The following PTK2B variants were observed in gnomAD, a reference collection of about 807,000 sequenced individuals.
PTK2B encodes protein-tyrosine kinase 2-beta.
PTK2B carries 71 observed loss-of-function variants against 142.9 expected under a neutral mutation model. The ratio of observed to expected loss-of-function variants is 0.50; its 90% CI spans 0.41 to 0.61. The LOEUF (loss-of-function observed/expected upper bound fraction) is 0.61. Among genes scored for constraint, PTK2B ranks in the 20% least tolerant of loss-of-function variants. PTK2B has a pLI of 0.00. For synonymous variants in PTK2B, 519 were observed against 503.4 expected (o/e 1.03, Z -0.42); for missense variants, 1,105 against 1,320.4 (o/e 0.84, Z 2.53).
At chr8:27,310,694 CGCGG>C, upstream of PTK2B, 1 of 1,292,506 alleles carries the variant, frequency 7.7e-7, no homozygotes, top group South Asian at 1.5e-5. Flanking sequence ...GGGAGCGAGA[CGCGG>C]GCACACTGGG....
intron 3 of PTK2B, among the ~76,000 whole-genome samples, chr8:27,320,407 C>G (rs918557942): frequency 8.5e-5 from 13 of 152,132 alleles, no homozygotes; most frequent in African/African-American, 3.1e-4. Flanking sequence ...CTCAGTCCCA[C>G]AGGACTGCCC....
At chr8:27,359,355 A>G (rs920630464) in intron 1 of PTK2B, among the ~76,000 whole-genome samples, 4 of 152,196 alleles carry the variant, frequency 2.6e-5, no homozygotes, top group Admixed American at 2.6e-4. Context: ...ACCTCAAGCG[A>G]TCTGCCTGCC....
At chr8:27,353,461 A>C (rs1805214068) in intron 1 of PTK2B, among the ~76,000 whole-genome samples, 1 of 152,220 alleles carries the variant, frequency 6.6e-6, no homozygotes, top group African/African-American at 2.4e-5. Context: ...GGGATAGGAA[A>C]GGCCCAGCTT....
chr8:27,432,986 C>G (rs1251955659), intron 10 of PTK2B, among the ~76,000 whole-genome samples: 1 of 152,108 alleles, frequency 6.6e-6, no homozygotes, highest in Non-Finnish European at 1.5e-5. Flanking sequence ...GCCACAAGGC[C>G]CAACTAATTT....
chr8:27,420,370 C>A (rs1455422587), intron 3 of PTK2B, among the ~76,000 whole-genome samples: 1 of 152,182 alleles, frequency 6.6e-6, no homozygotes, highest in Non-Finnish European at 1.5e-5. Flanking sequence ...AGCCCAGGTC[C>A]AGGGCTAGCC....
At chr8:27,320,583 C>G (rs1287288461), upstream of PTK2B, among the ~76,000 whole-genome samples, 2 of 152,146 alleles carry the variant, frequency 1.3e-5, no homozygotes, top group Non-Finnish European at 2.9e-5. Context: ...AAACACTTTT[C>G]TTTCTTTTGT....
intron 15 of PTK2B, 118 bp from the exon 16 acceptor site, chr8:27,437,004 A>G (rs1810819394): frequency 1.2e-6 from 1 of 864,128 alleles, no homozygotes; most frequent in Admixed American, 1.8e-5. Flanking sequence ...AGAGAGACAT[A>G]GGAGAAAGGG....
chr8:27,439,491 C>G, intron 20 of PTK2B, 93 bp downstream of exon 20: 1 of 1,323,206 alleles, frequency 7.6e-7, no homozygotes, highest in Non-Finnish European at 1.1e-6. Flanking sequence ...GGGGTCTGAC[C>G]TCCACCCTCC....
At chr8:27,431,336 C>G in intron 8 of PTK2B, 62 bp from the exon 9 acceptor site, 1 of 1,611,868 alleles carries the variant, frequency 6.2e-7, no homozygotes, top group Non-Finnish European at 8.5e-7. Context: ...AGCTTTTCTT[C>G]AAGTTTCTGA....
chr8:27,369,169 A>G (rs919928632), intron 1 of PTK2B, among the ~76,000 whole-genome samples: 1 of 151,906 alleles, frequency 6.6e-6, no homozygotes, highest in South Asian at 2.1e-4. Flanking sequence ...TCCAACCTCC[A>G]CTTCCCTCTT....
chr8:27,317,785 G>A (rs547063413), intron 3 of PTK2B, among the ~76,000 whole-genome samples: 56 of 152,156 alleles, frequency 3.7e-4, no homozygotes, highest in Non-Finnish European at 7.5e-4. Context: ...TAGGCATTTC[G>A]GCTTTCGACC....
intron 1 of PTK2B, among the ~76,000 whole-genome samples, chr8:27,341,966 C>A (rs1049550428): frequency 3.9e-5 from 6 of 152,062 alleles, no homozygotes; most frequent in African/African-American, 1.4e-4. Context: ...GTATGATCCA[C>A]CCCACCTGGC....
At position 27,434,130 on chromosome 8, in the gene PTK2B, G is replaced by T. The variant is rs1290984722; in HGVS notation, c.1143G>T (p.Met381Ile). The T allele has an allele frequency of 6.2e-7, 1 of 1,613,936 alleles. No individual in the cohort carries two copies. The highest frequency in any genetic ancestry group is 8.5e-7 in the Non-Finnish European group (1 of 1,179,798). Reference sequence around the variant, plus strand: ...GGAACAGCCTGCCCCAGATCCCCATGCTGTGAGTACAATGGGGTGCAGAGG... The same window carrying T: ...GGAACAGCCTGCCCCAGATCCCCATTCTGTGAGTACAATGGGGTGCAGAGG... ...EKRNSLPQIP[M>I]LNLEARRSHL... Residue 381 changes from methionine to isoleucine, a missense_variant and splice_region_variant, in exon 12 of 31, where the codon ATG becomes ATT. Transcript: ENST00000346049.
chr8:27,404,092 A>G, intron 2 of PTK2B, among the ~76,000 whole-genome samples: 1 of 152,014 alleles, frequency 6.6e-6, no homozygotes, highest in East Asian at 1.9e-4. Context: ...CTGTCCTGCC[A>G]GTCTCAAATG....
chr8:27,357,484 C>A (rs1331870446), intron 1 of PTK2B, among the ~76,000 whole-genome samples: 1 of 152,220 alleles, frequency 6.6e-6, no homozygotes, highest in Non-Finnish European at 1.5e-5. Context: ...TCTTGCAAAT[C>A]TCCAGTGCAG....
intron 1 of PTK2B, among the ~76,000 whole-genome samples, 192 bp downstream of exon 1, chr8:27,325,873 G>A (rs995186315): frequency 2.0e-5 from 3 of 152,208 alleles, no homozygotes; most frequent in Non-Finnish European, 4.4e-5. Flanking sequence ...AGCCTTCCGC[G>A]GGGAAGAGGG....
Position 27,436,290 on chromosome 8 carries a change from A to G in PTK2B, c.1283A>G (p.Asn428Ser). Residue 428 changes from asparagine (N) to serine (S), a missense_variant, in exon 15 of 31, where the codon AAT (asparagine) becomes AGT (serine). Asn to Ser is a conservative substitution (Grantham distance 46). Coordinates refer to ENST00000346049, the MANE Select transcript of PTK2B (RefSeq NM_173176.3). ...YGIAREDVVLNRILGEGFFGE... is the reference protein window; with the variant it reads ...YGIAREDVVLSRILGEGFFGE... ...ATTGCCCGTGAAGATGTGGTCCTGA[A>G]TCGTATTCTTGGGGAAGGCTTTTTT... is the stretch of plus-strand genomic sequence containing the variant. The G allele has an allele frequency of 6.2e-7, 1 of 1,614,166 alleles. No individual in the cohort carries two copies. The highest frequency in any genetic ancestry group is 8.5e-7 in the Non-Finnish European group (1 of 1,180,030).
chr8:27,397,527 G>C (rs778920417), intron 1 of PTK2B, 21 bp from the exon 2 acceptor site: 5 of 1,584,370 alleles, frequency 3.2e-6, no homozygotes, highest in Non-Finnish European at 8.7e-7. Context: ...TTTCAGGGCT[G>C]ACCCTCTGCT....
intron 1 of PTK2B, among the ~76,000 whole-genome samples, chr8:27,366,822 G>A (rs1049985620): frequency 6.6e-6 from 1 of 152,132 alleles, no homozygotes; most frequent in Non-Finnish European, 1.5e-5. Context: ...GTGGAGAGCA[G>A]AGGGCAATGC....
Sources: allele counts gnomAD v4.1 joint callset (sites outside exome capture counted in the v4.1 genomes callset), GRCh38; gene constraint gnomAD v4.1.1; transcripts MANE v1.5; gene names NCBI Gene and HGNC (gene_info 2026-07-23, HGNC 2026-07-21).